Variants in ZFX observed in about 807,000 individuals in gnomAD.
ZFX encodes the protein zinc finger X-chromosomal protein.
For missense variants in ZFX, 362 were observed against 628.3 expected (o/e 0.58, Z 4.53); for synonymous variants, 196 against 226.8 (o/e 0.86, Z 1.22).
intron 3 of ZFX, among the ~76,000 whole-genome samples, chrX:24,159,589 C>G (rs917769290): frequency 1.8e-5 from 2 of 111,200 alleles, no homozygotes; most frequent in Admixed American, 1.9e-4. Context: ...ATTCTCCTGC[C>G]TCAGCCTCCT....
At chrX:24,181,533 G>C in intron 5 of ZFX, among the ~76,000 whole-genome samples, 1 of 111,808 alleles carries the variant, frequency 8.9e-6, no homozygotes, top group Non-Finnish European at 1.9e-5. Flanking sequence ...AAAGAAAAAA[G>C]TTCTGGCCTT....
intron 5 of ZFX, among the ~76,000 whole-genome samples, chrX:24,192,605 T>C (rs1936609484): frequency 9.0e-6 from 1 of 111,630 alleles, no homozygotes; most frequent in South Asian, 3.8e-4. Context: ...GCAATCAGTG[T>C]TGCAGTGTTA....
chrX:24,211,109 T>G lies in ZFX; in HGVS notation c.2151T>G (p.Leu717=). 8.3e-7 allele frequency: 1 copy of G among 1,212,000 alleles called. No individual in the cohort carries two copies. Among genetic ancestry groups the G allele is most frequent in the Non-Finnish European group, 1.1e-6 (1 of 895,606 alleles). ...RHILSVHTKD[L]PFRCKRCRKG... Reference sequence around the variant, plus strand: ...TTCTCTCAGTTCACACAAAGGATCTTCCATTTAGGTGCAAGAGATGTAGAA... The same window carrying G: ...TTCTCTCAGTTCACACAAAGGATCTGCCATTTAGGTGCAAGAGATGTAGAA... Residue 717 remains leucine (L), a synonymous_variant, in exon 10 of 10, where the codon CTT becomes CTG. Coordinates refer to ENST00000304543, the MANE Select transcript of ZFX (RefSeq NM_003410.4).
At position 24,179,217 on chromosome X, in the gene ZFX, T is replaced by G. The variant is rs1935451050; in HGVS notation, c.93T>G (p.Ile31Met). ...GTACACACATGGATGGTGATCAAATTGTTGTGGAAGTACAAGAAACTGTTT... is the reference window on the plus strand; with the variant it reads ...GTACACACATGGATGGTGATCAAATGGTTGTGGAAGTACAAGAAACTGTTT... ...ADGTHMDGDQIVVEVQETVFV... is the reference protein window; with the variant it reads ...ADGTHMDGDQMVVEVQETVFV... The change falls in exon 5 of 10, where the codon ATT becomes ATG. Residue 31 changes from isoleucine to methionine, a missense_variant. Coordinates refer to ENST00000304543, the MANE Select transcript of ZFX (RefSeq NM_003410.4). 8.3e-7 allele frequency: 1 copy of G among 1,211,660 alleles called. No individual in the cohort carries two copies. The highest frequency in any genetic ancestry group is 3.0e-5 in the East Asian group (1 of 33,871).
At chrX:24,202,473 G>A (rs773864204) in intron 5 of ZFX, among the ~76,000 whole-genome samples, 8 of 111,550 alleles carry the variant, frequency 7.2e-5, no homozygotes, top group African/African-American at 1.3e-4. Context: ...GAACATCAGC[G>A]ACCTCATGCT....
intron 3 of ZFX, among the ~76,000 whole-genome samples, chrX:24,164,796 G>A (rs150111930): frequency 0.058 from 6,388 of 109,514 alleles, 512 homozygotes; most frequent in African/African-American, 0.2. Flanking sequence ...AATTAGCCAG[G>A]CGTGGTGGTG....
At chrX:24,202,591 C>T (rs1305451355) in intron 5 of ZFX, among the ~76,000 whole-genome samples, 1 of 111,495 alleles carries the variant, frequency 9.0e-6, no homozygotes, top group Non-Finnish European at 1.9e-5. Context: ...TTCCTTCATG[C>T]CCTTCTACTG....
intron 5 of ZFX, among the ~76,000 whole-genome samples, chrX:24,195,074 G>A (rs1299222118): frequency 1.8e-5 from 2 of 111,644 alleles, no homozygotes; most frequent in Non-Finnish European, 1.9e-5. Flanking sequence ...TATATACTAC[G>A]TTGTTTGGCT....
At chrX:24,171,873 C>T (rs1304873044) in intron 3 of ZFX, among the ~76,000 whole-genome samples, 1 of 106,093 alleles carries the variant, frequency 9.4e-6, no homozygotes, top group East Asian at 3.0e-4. Context: ...TTTCTCAGCT[C>T]TTATGTTCCA....
Position 24,212,051 on chromosome X carries a change from AC to A in ZFX, c.*677del, listed in dbSNP as rs1255880774. ...TGTCAGCGTAGCAAACTTTTAGAAA[AC>A]CTTATTGAAAAACTGTGCTTGCTCA... On this transcript the variant is annotated 3_prime_UTR_variant, in exon 10 of 10. Coordinates refer to ENST00000304543, the MANE Select transcript of ZFX (RefSeq NM_003410.4). The A allele has an allele frequency of 8.9e-6, 1 of 112,063 alleles. No individual in the cohort carries two copies. The highest frequency in any genetic ancestry group is 1.9e-5 in the Non-Finnish European group (1 of 53,190). 9.2% of individuals were successfully genotyped at this position (112,063 alleles called of 1,213,427 possible).
chrX:24,186,305 C>G (rs1936106800), intron 5 of ZFX, among the ~76,000 whole-genome samples: 1 of 111,069 alleles, frequency 9.0e-6, no homozygotes, highest in Non-Finnish European at 1.9e-5. Flanking sequence ...TTTCTTCCCT[C>G]TGCACGTCTC....
intron 5 of ZFX, among the ~76,000 whole-genome samples, chrX:24,182,671 C>T (rs1175756980): frequency 1.8e-5 from 2 of 111,366 alleles, no homozygotes; most frequent in Non-Finnish European, 3.8e-5. Context: ...GATAAATTGC[C>T]ATTTTGGTCA....
At chrX:24,170,211 A>G (rs1156606106) in intron 3 of ZFX, among the ~76,000 whole-genome samples, 1 of 103,231 alleles carries the variant, frequency 9.7e-6, no homozygotes, top group Non-Finnish European at 2.0e-5. Context: ...GCTGGAGTGC[A>G]GTGTCGCAAT....
intron 5 of ZFX, among the ~76,000 whole-genome samples, chrX:24,194,746 AT>A (rs149390246): frequency 8.0e-4 from 82 of 102,202 alleles, no homozygotes; most frequent in Non-Finnish European, 9.6e-4. Flanking sequence ...ACAGTAAAAA[AT>A]TTTTTTTTTT....
At chrX:24,158,413 T>C (rs943766014) in intron 3 of ZFX, among the ~76,000 whole-genome samples, 1 of 111,664 alleles carries the variant, frequency 9.0e-6, no homozygotes, top group Non-Finnish European at 1.9e-5. Context: ...ATAGTTTTCA[T>C]GTCTGTGAAT....
intron 3 of ZFX, among the ~76,000 whole-genome samples, chrX:24,168,967 C>T (rs755787581): frequency 1.8e-5 from 2 of 110,851 alleles, no homozygotes; most frequent in East Asian, 2.8e-4. Context: ...GCATGGACAC[C>T]GCCAGTTACA....
chrX:24,157,117 C>A (rs1471027273), intron 3 of ZFX, among the ~76,000 whole-genome samples: 1 of 112,057 alleles, frequency 8.9e-6, no homozygotes, highest in Non-Finnish European at 1.9e-5. Flanking sequence ...TACATAGATT[C>A]ATGTAGATAA....
intron 5 of ZFX, among the ~76,000 whole-genome samples, chrX:24,193,334 C>A: frequency 8.9e-6 from 1 of 111,832 alleles, no homozygotes; most frequent in Non-Finnish European, 1.9e-5. Context: ...AGAAGCCAGG[C>A]GAAAAAGACC....
In ZFX at chrX:24,207,983, ACT is replaced by A. The variant is rs368812578; in HGVS notation, c.940+131_940+132del. 2.0e-4 allele frequency: 186 copies of A among 927,336 alleles called. No homozygotes were observed. In the African/African-American group the frequency reaches 2.9e-3, roughly 14 times the overall value. The allele number at this position is 927,336 out of a possible 1,213,427, so 76.4% of individuals were successfully genotyped here. A position where few individuals can be genotyped will look rare whatever the true frequency, so the allele number is the denominator to read the frequency against. On this transcript the variant is annotated intron_variant, in intron 7 of 9. Transcript: ENST00000304543. ...CTACATTCCAAGGGAAACATCTTTGACTCTTTTATATATGCTTATGATGTTGC... is the reference window on the plus strand; with the variant it reads ...CTACATTCCAAGGGAAACATCTTTGACTTTTATATATGCTTATGATGTTGC...
Sources: allele counts gnomAD v4.1 joint callset (sites outside exome capture counted in the v4.1 genomes callset), GRCh38; gene constraint gnomAD v4.1.1; transcripts MANE v1.5; gene names NCBI Gene and HGNC (gene_info 2026-07-23, HGNC 2026-07-21).